Variants in CLSTN3 observed in about 807,000 individuals in gnomAD.
CLSTN3 encodes the protein calsyntenin-3.
CLSTN3 carries 36 observed loss-of-function variants against 95.9 expected under a neutral mutation model. That is an observed-to-expected ratio of 0.38 (90% CI 0.29 to 0.50). CLSTN3 has a LOEUF of 0.50. Ranked by LOEUF, CLSTN3 falls within the 20% of genes least tolerant of loss-of-function variation. CLSTN3 has a pLI of 0.95. For synonymous variants in CLSTN3, 481 were observed against 504.0 expected (o/e 0.95, Z 0.61); for missense variants, 1,084 against 1,268.8 (o/e 0.85, Z 2.21).
Position 7,133,178 on chromosome 12 carries a change from T to A in CLSTN3, c.187+32T>A. The A allele has an allele frequency of 6.2e-7, 1 of 1,611,324 alleles. No individual in the cohort carries two copies. Among genetic ancestry groups the A allele is most frequent in the Non-Finnish European group, 8.5e-7 (1 of 1,178,424 alleles). On this transcript the variant is annotated intron_variant, in intron 2 of 17. Coordinates refer to ENST00000266546, the MANE Select transcript of CLSTN3 (RefSeq NM_014718.4). This position sits in a 1 kb window ranked among gnomAD's most constrained non-coding sequence, Gnocchi z 4.7. ...GGGATTGGGGGATGGCAAGGCAGGGTAGGACAGAGAAAAGTGGGTGGGAGG... is the reference window on the plus strand; with the variant it reads ...GGGATTGGGGGATGGCAAGGCAGGGAAGGACAGAGAAAAGTGGGTGGGAGG...
intron 12 of CLSTN3, 33 bp from the exon 13 acceptor site, chr12:7,148,939 G>A: frequency 6.3e-7 from 1 of 1,583,638 alleles, no homozygotes; most frequent in African/African-American, 1.3e-5. Context: ...AAGTGTTGGG[G>A]TCACATGCTG....
chr12:7,144,182 G>A (rs1402035105), intron 12 of CLSTN3, among the ~76,000 whole-genome samples: 6 of 143,844 alleles, frequency 4.2e-5, no homozygotes, highest in African/African-American at 1.0e-4. Context: ...TCAGTGAGCC[G>A]AGATTGCACC....
At chr12:7,129,753 C>T (rs1939242664), upstream of CLSTN3, 23 of 985,614 alleles carry the variant, frequency 2.3e-5, no homozygotes, top group Non-Finnish European at 2.8e-5. This position sits in a 1 kb window ranked among gnomAD's most constrained non-coding sequence, Gnocchi z 5.5. Flanking sequence ...GGGCTTGGTT[C>T]ATCATGGTTT....
rs1343618170 is a variant in CLSTN3, at chr12:7,143,297, C to T, written c.1833C>T (p.Leu611=). ...CGCCCGGCGTCAGGCCCCTGCGCCTCACCACTGCTGTCAAGTGAGTGTTGG... is the reference window on the plus strand; with the variant it reads ...CGCCCGGCGTCAGGCCCCTGCGCCTTACCACTGCTGTCAAGTGAGTGTTGG... ...FATPGVRPLR[L]TTAVKCFSEE... is the part of the protein sequence containing the mutation. The change falls in exon 12 of 18, where the codon CTC becomes CTT. Residue 611 remains leucine, a synonymous_variant. Coordinates refer to ENST00000266546, the MANE Select transcript of CLSTN3 (RefSeq NM_014718.4). The T allele has an allele frequency of 6.2e-7, 1 of 1,609,534 alleles. No individual in the cohort carries two copies. Among genetic ancestry groups the T allele is most frequent in the Admixed American group, 1.7e-5 (1 of 60,006 alleles).
At chr12:7,132,672 A>C in intron 1 of CLSTN3, 1 of 561,422 alleles carries the variant, frequency 1.8e-6, no homozygotes, top group Non-Finnish European at 3.2e-6. Context: ...CTGCTCCCTG[A>C]AGTTCCCTGT....
At chr12:7,142,737 G>GTTTCCCCATTTCTCCTTTTTTT in intron 10 of CLSTN3, 132 bp from the exon 11 acceptor site, 1 of 224,116 alleles carries the variant, frequency 4.5e-6, no homozygotes, top group Non-Finnish European at 7.3e-6. Context: ...TTTTTTTTTG[G>GTTTCCCCATTTCTCCTTTTTTT]TTTCCACATT....
chr12:7,129,841 G>A (rs376761763), upstream of CLSTN3: 28 of 981,858 alleles, frequency 2.9e-5, no homozygotes, highest in African/African-American at 4.4e-4. This position sits in a 1 kb window ranked among gnomAD's most constrained non-coding sequence, Gnocchi z 5.5. Flanking sequence ...CGTGCGCGAG[G>A]GGTGCACGAC....
Position 7,150,864 on chromosome 12 carries a change from G to T in CLSTN3, c.2392-64G>T, listed in dbSNP as rs1380750511. On this transcript the variant is annotated intron_variant, in intron 15 of 17. Coordinates refer to ENST00000266546, the MANE Select transcript of CLSTN3 (RefSeq NM_014718.4). This position sits in a 1 kb window ranked among gnomAD's most constrained non-coding sequence, Gnocchi z 4.0. ...GCAGTAGTTAGGAGATGGGGCTGGG[G>T]TCTAGAGAAGTGGGGAGGACCTGGG... 6.5e-6 allele frequency: 10 copies of T among 1,549,932 alleles called. No homozygotes were observed. The highest frequency in any genetic ancestry group is 1.2e-5 in the South Asian group (1 of 81,356).
chr12:7,137,878 C>A lies in CLSTN3; in HGVS notation c.1211-77C>A, dbSNP rs1939458556. On this transcript the variant is annotated intron_variant, in intron 7 of 17. Coordinates refer to ENST00000266546, the MANE Select transcript of CLSTN3 (RefSeq NM_014718.4). This position sits in a 1 kb window ranked among gnomAD's most constrained non-coding sequence, Gnocchi z 4.4. ...AGAGAGGATTAAGAGAATCCAACAT[C>A]CTCTCCTTCCTGCTGCTTTGAACTT... 4.4e-6 allele frequency: 4 copies of A among 915,690 alleles called. No homozygotes were observed. The highest frequency in any genetic ancestry group is 6.7e-6 in the Non-Finnish European group (4 of 593,828). The allele number at this position is 915,690 out of a possible 1,614,324, so 56.7% of individuals were successfully genotyped here. A position where few individuals can be genotyped will look rare whatever the true frequency, so the allele number is the denominator to read the frequency against.
Position 7,149,448 on chromosome 12 carries a change from A to G in CLSTN3, c.2075-75A>G, listed in dbSNP as rs1225625178. ...CCCTGGAAAGGGAGGGAGAGTGGTG[A>G]TGAGGGCATGGTTGGGTCTCAGAAC... is the stretch of plus-strand genomic sequence containing the variant. On this transcript the variant is annotated intron_variant, in intron 13 of 17. Transcript: ENST00000266546. The surrounding 1 kb of genome is among the most constrained non-coding windows in gnomAD (Gnocchi z 4.5). 4.6e-5 allele frequency: 64 copies of G among 1,389,692 alleles called. No individual in the cohort carries two copies. The highest frequency in any genetic ancestry group is 5.0e-6 in the Non-Finnish European group (5 of 1,002,418). The allele number at this position is 1,389,692 out of a possible 1,614,324, so 86.1% of individuals were successfully genotyped here. A position where few individuals can be genotyped will look rare whatever the true frequency, so the allele number is the denominator to read the frequency against.
rs112458639 is a variant in CLSTN3, at chr12:7,151,178, T to C, written c.2527+115T>C. ...GGACAAGGTAGGTGGAGCAATGGGT[T>C]CTGTTCCCTGTGGTACCTGCCTTAG... On this transcript the variant is annotated intron_variant, in intron 16 of 17. Coordinates refer to ENST00000266546, the MANE Select transcript of CLSTN3 (RefSeq NM_014718.4). 20 of 1,257,986 alleles carry C rather than the reference T, an allele frequency of 1.6e-5. No homozygotes were observed. In the African/African-American group the frequency reaches 2.6e-4, roughly 16 times the overall value. 77.9% of individuals were successfully genotyped at this position (1,257,986 alleles called of 1,614,324 possible). A position where few individuals can be genotyped will look rare whatever the true frequency, so the allele number is the denominator to read the frequency against.
intron 10 of CLSTN3, 57 bp from the exon 11 acceptor site, chr12:7,142,812 C>T (rs1939552873): frequency 2.0e-6 from 3 of 1,522,692 alleles, no homozygotes; most frequent in African/African-American, 2.8e-5. Context: ...CAGCCTTCGT[C>T]CTTTTCCATC....
Position 7,149,345 on chromosome 12 carries a change from A to T in CLSTN3, c.2074+147A>T. On this transcript the variant is annotated intron_variant, in intron 13 of 17. Transcript: ENST00000266546. This position sits in a 1 kb window ranked among gnomAD's most constrained non-coding sequence, Gnocchi z 4.5. ...ACAACTTACCTTTAAGAAGGAGAGC[A>T]AGTGGAAAACACGTGGGTGGAAATG... is the stretch of plus-strand genomic sequence containing the variant. 1 of 925,518 alleles carries T rather than the reference A, an allele frequency of 1.1e-6. No homozygotes were observed. The highest frequency in any genetic ancestry group is 1.7e-5 in the South Asian group (1 of 60,044). 57.3% of individuals were successfully genotyped at this position (925,518 alleles called of 1,614,324 possible). A position where few individuals can be genotyped will look rare whatever the true frequency, so the allele number is the denominator to read the frequency against.
Position 7,130,458 on chromosome 12 carries a change from C to T in CLSTN3, c.-191C>T. On this transcript the variant is annotated 5_prime_UTR_variant, in exon 1 of 18. Transcript: ENST00000266546. ...GGAAGCCGCTGCAAGTCCACCGCCT[C>T]AGCTACCCAGATTGGGATCTGCCCA... The T allele has an allele frequency of 6.8e-7, 1 of 1,479,478 alleles. No individual in the cohort carries two copies. Among genetic ancestry groups the T allele is most frequent in the African/African-American group, 1.4e-5 (1 of 71,688 alleles). 91.6% of individuals were successfully genotyped at this position (1,479,478 alleles called of 1,614,324 possible). A position where few individuals can be genotyped will look rare whatever the true frequency, so the allele number is the denominator to read the frequency against.
chr12:7,134,706 C>G (rs1939370543), intron 3 of CLSTN3, among the ~76,000 whole-genome samples: 1 of 152,248 alleles, frequency 6.6e-6, no homozygotes, highest in African/African-American at 2.4e-5. Flanking sequence ...GGCTTTTACT[C>G]TGCATCTTCC....
At chr12:7,153,889 G>A in intron 16 of CLSTN3, among the ~76,000 whole-genome samples, 1 of 152,174 alleles carries the variant, frequency 6.6e-6, no homozygotes, top group Middle Eastern at 3.2e-3. Context: ...GGGCTGGTCT[G>A]GCGGGCAGCG....
chr12:7,157,649 C>G lies in CLSTN3; in HGVS notation c.2688C>G (p.Phe896Leu). 2 of 1,606,282 alleles carry G rather than the reference C, an allele frequency of 1.2e-6. No individual in the cohort carries two copies. The highest frequency in any genetic ancestry group is 1.7e-6 in the Non-Finnish European group (2 of 1,176,260). Residue 896 changes from phenylalanine to leucine, a missense_variant, in exon 17 of 18, where the codon TTC (phenylalanine) becomes TTG (leucine). By Grantham distance (22) the Phe-to-Leu change is conservative. Coordinates refer to ENST00000266546, the MANE Select transcript of CLSTN3 (RefSeq NM_014718.4). This position sits in a 1 kb window ranked among gnomAD's most constrained non-coding sequence, Gnocchi z 5.9. Reference protein sequence around the residue: ...ASSDPKDPDLFWDDSALTIIV... With the variant: ...ASSDPKDPDLLWDDSALTIIV... ...GTGACCCCAAGGACCCAGACCTCTT[C>G]TGGGATGACTCAGCTCTCACCATCA... is the stretch of plus-strand genomic sequence containing the variant.
chr12:7,130,303 T>TGCCCCCCCCCC, upstream of CLSTN3: 1 of 778,312 alleles, frequency 1.3e-6, no homozygotes, highest in Non-Finnish European at 1.6e-6. Flanking sequence ...CAGCACCTGG[T>TGCCCCCCCCCC]CCCCCCCCCT....
At chr12:7,145,718 T>C (rs1400999105) in intron 12 of CLSTN3, among the ~76,000 whole-genome samples, 2 of 152,202 alleles carry the variant, frequency 1.3e-5, no homozygotes, top group Admixed American at 6.5e-5. Context: ...GAAGTTCTGC[T>C]AGCACCTCAA....
Sources: gnomAD v4.1 joint callset for allele counts (sites outside exome capture counted in the v4.1 genomes callset) on GRCh38, gnomAD v4.1.1 for gene constraint, Gnocchi (gnomAD v3.1) non-coding constraint, MANE v1.5 for transcripts, NCBI Gene and HGNC (gene_info 2026-07-23, HGNC 2026-07-21) for gene names.